Variants in NEDD4 observed in about 807,000 individuals in gnomAD.
NEDD4 encodes the protein E3 ubiquitin-protein ligase NEDD4.
Under a neutral mutation model 144.9 loss-of-function variants are expected in NEDD4, and 99 were observed. That is an observed-to-expected ratio of 0.68 (90% CI 0.58 to 0.81). NEDD4 has a LOEUF of 0.81. Among genes scored for constraint, NEDD4 ranks in the 30% least tolerant of loss-of-function variants. The pLI, the probability that NEDD4 is intolerant of heterozygous loss-of-function variation, is 0.00. For synonymous variants in NEDD4, 318 were observed against 350.6 expected, an observed-to-expected ratio of 0.91 and a Z score of 1.04; for missense variants, 985 against 1,065.9, an observed-to-expected ratio of 0.92 and a Z score of 1.06.
At chr15:55,884,825 G>A (rs1458186473) in intron 5 of NEDD4, among the ~76,000 whole-genome samples, 1 of 152,066 alleles carries the variant, frequency 6.6e-6, no homozygotes, top group Non-Finnish European at 1.5e-5. Context: ...CCTCAAATGG[G>A]CAAATCGAAG....
In NEDD4 at chr15:55,895,076, G is replaced by T. The variant is rs184143434; in HGVS notation, c.292-21068C>A. ...AAAGGAAAATAACAAGAGAACTAAG[G>T]TATAAAGTTATAATTTAGCCAGGAA... On this transcript the variant is annotated intron_variant, in intron 5 of 28. Transcript: ENST00000435532. Among the ~76,000 whole-genome samples the T allele has an allele frequency of 5.2e-3, 787 of 152,174 alleles. 6 individuals are homozygous for T. The highest frequency in any genetic ancestry group is 0.014 in the African/African-American group (600 of 41,532).
At chr15:55,892,769 C>G (rs2035614220) in intron 5 of NEDD4, among the ~76,000 whole-genome samples, 2 of 152,082 alleles carry the variant, frequency 1.3e-5, no homozygotes, top group Admixed American at 6.6e-5. Flanking sequence ...TGCTTTCCCC[C>G]CTTCAACATT....
chr15:55,978,200 T>C (rs2037737255), intron 1 of NEDD4, among the ~76,000 whole-genome samples: 1 of 152,112 alleles, frequency 6.6e-6, no homozygotes, highest in Non-Finnish European at 1.5e-5. Context: ...CAAAAACAAT[T>C]CCAGGGGAAT....
intron 4 of NEDD4, among the ~76,000 whole-genome samples, chr15:55,950,032 A>G (rs1215237421): frequency 6.6e-6 from 1 of 152,192 alleles, no homozygotes; most frequent in African/African-American, 2.4e-5. Flanking sequence ...AAATAAATAA[A>G]TAACTCAACA....
Position 55,839,651 on chromosome 15 carries a change from T to A in NEDD4, c.2031+796A>T, listed in dbSNP as rs147702814. On this transcript the variant is annotated intron_variant, in intron 21 of 28. Transcript: ENST00000435532. ...CTGTTTTTTTCTAGGAACCTAACCA[T>A]AACGCTTTGCCTTTCGACTGCCATT... 4.2e-3 allele frequency among the ~76,000 whole-genome samples: 635 copies of A among 152,062 alleles called. 5 individuals carry two copies. Among genetic ancestry groups the A allele is most frequent in the African/African-American group, 0.015 (608 of 41,484 alleles).
At chr15:55,861,941 T>C (rs557310867) in intron 9 of NEDD4, among the ~76,000 whole-genome samples, 1 of 152,160 alleles carries the variant, frequency 6.6e-6, no homozygotes, top group Non-Finnish European at 1.5e-5. Flanking sequence ...CCTAAATATA[T>C]GATTTTGGCT....
At chr15:55,932,711 C>G (rs1482257926) in intron 4 of NEDD4, among the ~76,000 whole-genome samples, 1 of 152,116 alleles carries the variant, frequency 6.6e-6, no homozygotes, top group East Asian at 1.9e-4. Context: ...GCAAAAGAAA[C>G]TACCATCAGA....
intron 5 of NEDD4, among the ~76,000 whole-genome samples, chr15:55,882,176 A>C (rs2035217094): frequency 6.6e-6 from 1 of 152,232 alleles, no homozygotes; most frequent in Non-Finnish European, 1.5e-5. Context: ...ACAAAATTTA[A>C]AAATCACACA....
At chr15:55,870,357 G>A (rs2034740025) in intron 7 of NEDD4, among the ~76,000 whole-genome samples, 1 of 152,086 alleles carries the variant, frequency 6.6e-6, no homozygotes. Context: ...TTTGGCAGCT[G>A]TTTGAATCTG....
intron 5 of NEDD4, among the ~76,000 whole-genome samples, chr15:55,922,374 T>A (rs1475151930): frequency 6.6e-6 from 1 of 152,140 alleles, no homozygotes; most frequent in Non-Finnish European, 1.5e-5. Context: ...GGTTTTTGCT[T>A]TTTTGGAGAC....
intron 2 of NEDD4, among the ~76,000 whole-genome samples, chr15:55,965,041 T>G (rs182237510): frequency 6.6e-6 from 1 of 152,232 alleles, no homozygotes. Flanking sequence ...AGGCCCTCAC[T>G]AGATGCAAAG....
chr15:55,875,150 A>G (rs2034949770), intron 5 of NEDD4, among the ~76,000 whole-genome samples: 1 of 152,162 alleles, frequency 6.6e-6, no homozygotes, highest in South Asian at 2.1e-4. Flanking sequence ...ACCAGCCACA[A>G]GATGACGCAG....
chr15:55,952,190 C>T (rs1041452296), intron 2 of NEDD4, among the ~76,000 whole-genome samples: 2 of 151,696 alleles, frequency 1.3e-5, no homozygotes, highest in Admixed American at 1.3e-4. Context: ...AAAAATTAGC[C>T]AGGCGTGGTG....
chr15:55,924,712 C>T lies in NEDD4; in HGVS notation c.238-13G>A, dbSNP rs753341428. ...GCTGAGGATGAACCTAAGAAAAACA[C>T]AATCTTTATTTAAAAACAAGTAAAC... On this transcript the variant is annotated splice_polypyrimidine_tract_variant and intron_variant, in intron 4 of 28. Transcript: ENST00000435532. The T allele has an allele frequency of 1.2e-6, 2 of 1,603,060 alleles. No individual in the cohort carries two copies. Among genetic ancestry groups the T allele is most frequent in the Non-Finnish European group, 1.7e-6 (2 of 1,174,440 alleles).
rs561916056 is a variant in NEDD4, at chr15:55,896,309, A to G, written c.292-22301T>C. Among the ~76,000 whole-genome samples the G allele has an allele frequency of 6.6e-5, 10 of 152,096 alleles. No homozygotes were observed. The South Asian group carries it at 1.9e-3, about 29-fold the overall frequency. Reference sequence around the variant, plus strand: ...CAATTCTCCTGCCTCAGCCTCCCCAAGTACCTGGGATTAGAGACATGCACC... The same window carrying G: ...CAATTCTCCTGCCTCAGCCTCCCCAGGTACCTGGGATTAGAGACATGCACC... On this transcript the variant is annotated intron_variant, in intron 5 of 28. Transcript: ENST00000435532.
chr15:55,993,367 G>T (rs2038019877), intron 1 of NEDD4, 144 bp downstream of exon 1: 2 of 990,294 alleles, frequency 2.0e-6, no homozygotes, highest in Admixed American at 4.0e-5. Context: ...TCCCCGCGGC[G>T]CCTCGCGCGC....
chr15:55,924,555 C>G, intron 5 of NEDD4, 91 bp downstream of exon 5: 2 of 1,158,926 alleles, frequency 1.7e-6, no homozygotes, highest in Non-Finnish European at 2.5e-6. Context: ...CAAGCCATCA[C>G]TCAAATCCCA....
chr15:55,855,567 G>A (rs891789407), intron 12 of NEDD4, among the ~76,000 whole-genome samples: 7 of 152,232 alleles, frequency 4.6e-5, no homozygotes, highest in African/African-American at 1.7e-4. Context: ...GTTAGGAAGA[G>A]GATGGAGGCA....
chr15:55,937,676 C>G (rs1419653565), intron 4 of NEDD4, among the ~76,000 whole-genome samples: 1 of 152,066 alleles, frequency 6.6e-6, no homozygotes, highest in Admixed American at 6.6e-5. Context: ...TCTTTCAAGA[C>G]AAAAATAAAT....
Sources: allele counts gnomAD v4.1 joint callset (sites outside exome capture counted in the v4.1 genomes callset), GRCh38; gene constraint gnomAD v4.1.1; transcripts MANE v1.5; gene names NCBI Gene and HGNC (gene_info 2026-07-23, HGNC 2026-07-21).